SRPK2: variants seen among roughly 807,000 people sequenced by gnomAD.
SRPK2 encodes the protein SRSF protein kinase 2, also known as SFRS protein kinase 2.
Under a neutral mutation model 90.8 loss-of-function variants are expected in SRPK2, and 21 were observed. That is an observed-to-expected ratio of 0.23 (90% CI 0.16 to 0.33). The LOEUF is 0.33. SRPK2 is among the 10% of genes least tolerant of loss of function. SRPK2 has a pLI of 1.00. For missense variants in SRPK2, 620 were observed against 869.0 expected, an observed-to-expected ratio of 0.71 and a Z score of 3.60; for synonymous variants, 288 against 311.1, an observed-to-expected ratio of 0.93 and a Z score of 0.78.
At chr7:105,282,428 T>A (rs551163227) in intron 2 of SRPK2, among the ~76,000 whole-genome samples, 2 of 152,332 alleles carry the variant, frequency 1.3e-5, no homozygotes, top group South Asian at 4.1e-4. Flanking sequence ...TTCTTAGGTA[T>A]GACATGAAAA....
At chr7:105,282,939 A>T (rs1456597350) in intron 2 of SRPK2, among the ~76,000 whole-genome samples, 1 of 152,142 alleles carries the variant, frequency 6.6e-6, no homozygotes, top group African/African-American at 2.4e-5. Flanking sequence ...AACTCTTAAC[A>T]ATCAATTTAA....
At chr7:105,323,010 C>A (rs775483282) in intron 2 of SRPK2, among the ~76,000 whole-genome samples, 2 of 152,060 alleles carry the variant, frequency 1.3e-5, no homozygotes, top group African/African-American at 2.4e-5. Context: ...ACCAGCCTGG[C>A]CAACATGGTG....
At chr7:105,145,932 C>CA (rs1804555670) in intron 8 of SRPK2, among the ~76,000 whole-genome samples, 3 of 152,130 alleles carry the variant, frequency 2.0e-5, no homozygotes, top group Non-Finnish European at 4.4e-5. Context: ...CACACAAAGG[C>CA]ACAGATCATG....
intron 7 of SRPK2, among the ~76,000 whole-genome samples, chr7:105,154,289 T>C (rs1025038315): frequency 2.6e-5 from 4 of 152,200 alleles, no homozygotes; most frequent in African/African-American, 9.7e-5. Context: ...CCTCACCACA[T>C]TTCCTGAGTC....
At chr7:105,376,882 TACAC>T (rs34080086) in intron 2 of SRPK2, among the ~76,000 whole-genome samples, 1,617 of 121,022 alleles carry the variant, frequency 0.013, 36 homozygotes, top group African/African-American at 0.04. Context: ...TTTTCTCCTT[TACAC>T]ACACACACAC....
chr7:105,257,692 T>C (rs1164157028), intron 2 of SRPK2, among the ~76,000 whole-genome samples: 1 of 143,452 alleles, frequency 7.0e-6, no homozygotes, highest in Non-Finnish European at 1.5e-5. Context: ...TTAACAGTCA[T>C]TTTTTTTTTT....
intron 2 of SRPK2, among the ~76,000 whole-genome samples, chr7:105,214,539 T>C (rs766121466): frequency 6.6e-6 from 1 of 152,168 alleles, no homozygotes; most frequent in Non-Finnish European, 1.5e-5. Context: ...AGGAAACTTG[T>C]TAATAACATT....
At chr7:105,121,324 AAC>A (rs1800332756) in intron 15 of SRPK2, among the ~76,000 whole-genome samples, 1 of 151,904 alleles carries the variant, frequency 6.6e-6, no homozygotes, top group African/African-American at 2.4e-5. Flanking sequence ...CAGCCTAGGC[AAC>A]AGAGTGAGAC....
chr7:105,265,798 T>C (rs1804983861), intron 2 of SRPK2, among the ~76,000 whole-genome samples: 1 of 152,188 alleles, frequency 6.6e-6, no homozygotes, highest in Admixed American at 6.5e-5. Flanking sequence ...CAGAGGGTAC[T>C]GTCTTGCAGC....
intron 2 of SRPK2, among the ~76,000 whole-genome samples, chr7:105,329,878 T>C (rs1342017506): frequency 7.0e-6 from 1 of 143,664 alleles, no homozygotes. Context: ...AAAAAAAAAA[T>C]ACAAAAATTA....
chr7:105,254,318 T>C (rs1288223566), intron 2 of SRPK2, among the ~76,000 whole-genome samples: 2 of 152,242 alleles, frequency 1.3e-5, no homozygotes, highest in East Asian at 3.8e-4. Flanking sequence ...AGAGGCTGTT[T>C]TGAGAATTTC....
intron 2 of SRPK2, among the ~76,000 whole-genome samples, chr7:105,221,924 T>C (rs1487891638): frequency 6.6e-6 from 1 of 152,218 alleles, no homozygotes; most frequent in Non-Finnish European, 1.5e-5. Flanking sequence ...AATAACTCCA[T>C]TTATTTCCTC....
chr7:105,357,350 A>AT (rs1170945977), intron 2 of SRPK2, among the ~76,000 whole-genome samples: 1 of 152,060 alleles, frequency 6.6e-6, no homozygotes. Context: ...AATAACACTA[A>AT]TTTTTTAAAA....
intron 2 of SRPK2, among the ~76,000 whole-genome samples, chr7:105,280,650 A>G (rs1011188286): frequency 4.2e-5 from 4 of 94,728 alleles, no homozygotes; most frequent in Non-Finnish European, 9.3e-5. Context: ...CAAGTCATTA[A>G]AAAAAAGGGG....
At chr7:105,126,592 G>A (rs1439253677) in intron 14 of SRPK2, among the ~76,000 whole-genome samples, 1 of 152,166 alleles carries the variant, frequency 6.6e-6, no homozygotes, top group East Asian at 1.9e-4. Flanking sequence ...AGATGGTCAG[G>A]TTTACAGATG....
chr7:105,203,081 T>C (rs552829400), intron 3 of SRPK2, among the ~76,000 whole-genome samples: 3 of 152,294 alleles, frequency 2.0e-5, no homozygotes, highest in Admixed American at 1.3e-4. Flanking sequence ...CTCTGCCTCC[T>C]GGGCTCAAGT....
chr7:105,299,936 T>A lies in SRPK2; in HGVS notation c.71+88712A>T, dbSNP rs576813590. 4.0e-5 allele frequency among the ~76,000 whole-genome samples: 6 copies of A among 151,330 alleles called. No homozygotes were observed. The South Asian group carries it at 1.0e-3, about 26-fold the overall frequency. Reference sequence around the variant, plus strand: ...AAACAATACATAGATCTAAAATATTTCCAAAATAAAAATCATTCCTTCCAG... The same window carrying A: ...AAACAATACATAGATCTAAAATATTACCAAAATAAAAATCATTCCTTCCAG... On this transcript the variant is annotated intron_variant, in intron 2 of 15. Coordinates refer to ENST00000393651, the MANE Select transcript of SRPK2 (RefSeq NM_182692.3).
intron 2 of SRPK2, among the ~76,000 whole-genome samples, chr7:105,387,254 AAC>A (rs1821716817): frequency 6.6e-6 from 1 of 152,224 alleles, no homozygotes; most frequent in African/African-American, 2.4e-5. Context: ...CTGTGATTAA[AAC>A]ACAGTACTTA....
intron 2 of SRPK2, among the ~76,000 whole-genome samples, chr7:105,277,698 T>C (rs1806704280): frequency 6.6e-6 from 1 of 152,112 alleles, no homozygotes; most frequent in South Asian, 2.1e-4. Flanking sequence ...CTGCAAAACA[T>C]AAAAATCATC....
Sources: gnomAD v4.1 joint callset for allele counts (sites outside exome capture counted in the v4.1 genomes callset) on GRCh38, gnomAD v4.1.1 for gene constraint, MANE v1.5 for transcripts, NCBI Gene and HGNC (gene_info 2026-07-23, HGNC 2026-07-21) for gene names.